KPNB1: variants seen among roughly 807,000 people sequenced by gnomAD.
KPNB1 encodes the protein karyopherin subunit beta 1, also known as importin subunit beta-1.
A neutral mutation model predicts 113.0 loss-of-function variants in KPNB1; 7 were observed. The ratio of observed to expected loss-of-function variants is 0.06; its 90% CI spans 0.04 to 0.12. The LOEUF is 0.12. Ranked by LOEUF, KPNB1 falls within the 10% of genes least tolerant of loss-of-function variation. The pLI is 1.00. For synonymous variants in KPNB1, 363 were observed against 378.6 expected, an observed-to-expected ratio of 0.96 and a Z score of 0.48; for missense variants, 400 against 1,054.8, an observed-to-expected ratio of 0.38 and a Z score of 8.60.
chr17:47,669,992 T>C, intron 11 of KPNB1, 123 bp downstream of exon 11: 1 of 740,548 alleles, frequency 1.4e-6, no homozygotes, highest in South Asian at 1.9e-5. Flanking sequence ...CTTTCTAATT[T>C]ATTCAATTAA....
chr17:47,656,797 G>A, intron 3 of KPNB1, 63 bp from the exon 4 acceptor site: 2 of 1,509,362 alleles, frequency 1.3e-6, no homozygotes, highest in South Asian at 2.3e-5. Context: ...AAGTATGGTG[G>A]TGGGCAAAAT....
chr17:47,671,547 A>T lies in KPNB1; in HGVS notation c.1547+715A>T, dbSNP rs187029376. 9.0e-3 allele frequency among the ~76,000 whole-genome samples: 1,141 copies of T among 126,970 alleles called. 5 individuals carry two copies. Among genetic ancestry groups the T allele is most frequent in the African/African-American group, 0.016 (565 of 36,444 alleles). The allele number at this position is 126,970 out of a possible 152,430, so 83.3% of individuals were successfully genotyped here. ...ATTTTATTTTATTAATTAATTAATT[A>T]ATTTATTTTGAGACAGAGTGTTGCT... On this transcript the variant is annotated intron_variant, in intron 12 of 21. Transcript: ENST00000290158.
rs940149643 is a variant in KPNB1 at position 47,685,139 on chromosome 17, C to T, written c.*2735C>T. On this transcript the variant is annotated 3_prime_UTR_variant, in exon 22 of 22. Transcript: ENST00000290158. The stretch of plus-strand genomic sequence containing the variant: ...TTTCATTTTTCCCAGTTCTCCTCAC[C>T]CCCCCTTTGTTGAAATGTTGGACTT... 4 of 152,244 alleles carry T rather than the reference C, an allele frequency of 2.6e-5. No homozygotes were observed. Among genetic ancestry groups the T allele is most frequent in the South Asian group, 2.1e-4 (1 of 4,812 alleles). The allele number at this position is 152,244 out of a possible 1,614,324, so 9.4% of individuals were successfully genotyped here. A position where few individuals can be genotyped will look rare whatever the true frequency, so the allele number is the denominator to read the frequency against.
rs1282537913 is a variant in KPNB1, at chr17:47,683,542, T to A, written c.*1138T>A. 3.3e-5 allele frequency: 5 copies of A among 152,502 alleles called. No homozygotes were observed. Among genetic ancestry groups the A allele is most frequent in the Non-Finnish European group, 7.4e-5 (5 of 68,024 alleles). 9.4% of individuals were successfully genotyped at this position (152,502 alleles called of 1,614,324 possible). ...TAAATATACAATAAAAGTAAACACATACACACAAAACAGCAAACTTCAGGT... is the reference window on the plus strand; with the variant it reads ...TAAATATACAATAAAAGTAAACACAAACACACAAAACAGCAAACTTCAGGT... On this transcript the variant is annotated 3_prime_UTR_variant, in exon 22 of 22. Coordinates refer to ENST00000290158, the MANE Select transcript of KPNB1 (RefSeq NM_002265.6).
chr17:47,681,709 T>G (rs75248948), intron 21 of KPNB1, among the ~76,000 whole-genome samples: 2 of 147,652 alleles, frequency 1.4e-5, no homozygotes, highest in African/African-American at 2.5e-5. Context: ...TTTTTTTTTT[T>G]TTGTATTTTT....
At position 47,675,385 on chromosome 17, in the gene KPNB1, G is replaced by GTTTTT. The variant is rs1462077639; in HGVS notation, c.1912+606_1912+607insTTTTT. ...TGTTTTTTTTTTGTTTTTTTTTTTT[G>GTTTTT]TTTGTTTTTTTTTTGAGACTTGTTC... is the stretch of plus-strand genomic sequence containing the variant. On this transcript the variant is annotated intron_variant, in intron 15 of 21. Transcript: ENST00000290158. 1.2e-3 allele frequency among the ~76,000 whole-genome samples: 95 copies of GTTTTT among 82,108 alleles called. 7 individuals carry two copies. The highest frequency in any genetic ancestry group is 5.1e-3 in the African/African-American group (90 of 17,504). The allele number at this position is 82,108 out of a possible 152,430, so 53.9% of individuals were successfully genotyped here.
In KPNB1 at chr17:47,656,857, C is replaced by T. The variant is rs1175480980; in HGVS notation, c.283-3C>T. 1 of 1,612,044 alleles carries T rather than the reference C, an allele frequency of 6.2e-7. No homozygotes were observed. The highest frequency in any genetic ancestry group is 1.7e-5 in the Admixed American group (1 of 59,812). On this transcript the variant is annotated splice_polypyrimidine_tract_variant and splice_region_variant and intron_variant, in intron 3 of 21. Coordinates refer to ENST00000290158, the MANE Select transcript of KPNB1 (RefSeq NM_002265.6). ...GTATCTTTTGTCTTTTTTTTTGGTG[C>T]AGGTTTTGCAGACATTGGGTACAGA... is the stretch of plus-strand genomic sequence containing the variant.
At chr17:47,678,693 C>T (rs8072097) in intron 19 of KPNB1, 7 of 348,568 alleles carry the variant, frequency 2.0e-5, no homozygotes, top group Non-Finnish European at 3.3e-5. Flanking sequence ...CTGCAACCTC[C>T]ACCTCCCAGG....
At chr17:47,663,450 G>C (rs181607539) in intron 7 of KPNB1, among the ~76,000 whole-genome samples, 1 of 152,192 alleles carries the variant, frequency 6.6e-6, no homozygotes, top group African/African-American at 2.4e-5. Flanking sequence ...GATCACCTGA[G>C]GTCAGGAGTT....
intron 19 of KPNB1, 125 bp downstream of exon 19, chr17:47,678,538 G>C (rs2030678584): frequency 8.8e-6 from 6 of 680,922 alleles, no homozygotes; most frequent in South Asian, 1.7e-5. Context: ...CTGGGAGAAG[G>C]GGGAGCAGTG....
chr17:47,664,981 G>A (rs1366795371), intron 8 of KPNB1, 76 bp from the exon 9 acceptor site: 2 of 982,554 alleles, frequency 2.0e-6, no homozygotes, highest in Admixed American at 3.5e-5. Context: ...AGAGATCCCT[G>A]TTCGGCTCTC....
At chr17:47,680,723 A>G (rs1419041723) in intron 21 of KPNB1, 54 bp downstream of exon 21, 4 of 1,557,084 alleles carry the variant, frequency 2.6e-6, no homozygotes, top group East Asian at 2.3e-5. Flanking sequence ...GGAGGGGGGT[A>G]TGTTTTCTTT....
intron 2 of KPNB1, among the ~76,000 whole-genome samples, chr17:47,652,375 A>G (rs1311592705): frequency 6.6e-6 from 1 of 152,112 alleles, no homozygotes; most frequent in Non-Finnish European, 1.5e-5. Flanking sequence ...CTACTACCAT[A>G]CTCTGAAACC....
intron 7 of KPNB1, among the ~76,000 whole-genome samples, chr17:47,663,754 A>T (rs940394210): frequency 1.4e-4 from 21 of 152,132 alleles, no homozygotes; most frequent in African/African-American, 4.3e-4. Flanking sequence ...GGAGGCTGAG[A>T]CTGACAGATC....
chr17:47,673,737 C>T (rs755505311), intron 14 of KPNB1, 176 bp downstream of exon 14: 29 of 601,802 alleles, frequency 4.8e-5, no homozygotes, highest in Non-Finnish European at 8.3e-5. Context: ...CCCCACCTGC[C>T]TTACCTGTCT....
rs368697483 is a variant in KPNB1, at chr17:47,680,764, AT to A, written c.2630+103del. 364 of 1,278,916 alleles carry A rather than the reference AT, an allele frequency of 2.8e-4. 1 individual carries two copies. The highest frequency in any genetic ancestry group is 2.1e-3 in the African/African-American group (141 of 66,226). 79.2% of individuals were successfully genotyped at this position (1,278,916 alleles called of 1,614,324 possible). ...ATTCTGGCAAGCACTGCCTTCTGGCATTTTTTTTGTTTGTACTTTTTCCCAT... is the reference window on the plus strand; with the variant it reads ...ATTCTGGCAAGCACTGCCTTCTGGCATTTTTTTGTTTGTACTTTTTCCCAT... On this transcript the variant is annotated intron_variant, in intron 21 of 21. Coordinates refer to ENST00000290158, the MANE Select transcript of KPNB1 (RefSeq NM_002265.6).
intron 19 of KPNB1, chr17:47,678,661 G>T: frequency 2.3e-6 from 1 of 427,054 alleles, no homozygotes; most frequent in Non-Finnish European, 4.3e-6. Flanking sequence ...AGGCTGGAGT[G>T]CAGTCGTGCA....
At chr17:47,677,221 G>A in intron 17 of KPNB1, 94 bp downstream of exon 17, 1 of 1,002,166 alleles carries the variant, frequency 1.0e-6, no homozygotes. Flanking sequence ...GGGCGCAGTG[G>A]CCTGTAATCC....
intron 21 of KPNB1, among the ~76,000 whole-genome samples, chr17:47,681,705 T>A (rs1468760266): frequency 6.9e-6 from 1 of 144,772 alleles, no homozygotes; most frequent in African/African-American, 2.6e-5. Context: ...TTTTTTTTTT[T>A]TTTTTTGTAT....
Sources: gnomAD v4.1 joint callset for allele counts (sites outside exome capture counted in the v4.1 genomes callset) on GRCh38, gnomAD v4.1.1 for gene constraint, MANE v1.5 for transcripts, NCBI Gene and HGNC (gene_info 2026-07-23, HGNC 2026-07-21) for gene names.